SLC35F3: variants seen among roughly 807,000 people sequenced by gnomAD.
SLC35F3 encodes the protein solute carrier family 35 member F3, also known as putative thiamine transporter SLC35F3.
In SLC35F3, 25 loss-of-function variants were observed where a neutral mutation model predicts 49.9. That is an observed-to-expected ratio of 0.50 (90% CI 0.37 to 0.70). The LOEUF (loss-of-function observed/expected upper bound fraction) is 0.70. SLC35F3 is among the 30% of genes least tolerant of loss of function. The pLI, the probability that SLC35F3 is intolerant of heterozygous loss-of-function variation, is 0.00. For missense variants in SLC35F3, 525 were observed against 639.8 expected (o/e 0.82, Z 1.94); for synonymous variants, 275 against 265.4 (o/e 1.04, Z -0.35).
intron 2 of SLC35F3, among the ~76,000 whole-genome samples, chr1:234,077,002 T>G (rs1245789079): frequency 2.0e-5 from 3 of 146,384 alleles, no homozygotes; most frequent in Non-Finnish European, 3.0e-5. Context: ...TTTTTTGTTT[T>G]TTTTTTTTTT....
intron 2 of SLC35F3, among the ~76,000 whole-genome samples, chr1:233,937,045 G>T (rs1245767784): frequency 2.0e-5 from 3 of 152,132 alleles, no homozygotes; most frequent in East Asian, 1.9e-4. Flanking sequence ...TTGCCAGTCA[G>T]CATTTTACCA....
intron 2 of SLC35F3, among the ~76,000 whole-genome samples, chr1:234,104,821 G>A (rs1303863519): frequency 6.6e-6 from 1 of 152,196 alleles, no homozygotes; most frequent in Non-Finnish European, 1.5e-5. Context: ...AGCAGACTGT[G>A]TCATTTGAGA....
chr1:234,297,445 C>T (rs1393961508), intron 3 of SLC35F3, among the ~76,000 whole-genome samples: 2 of 152,304 alleles, frequency 1.3e-5, no homozygotes, highest in East Asian at 3.9e-4. Context: ...ACATGTAATA[C>T]TATTCAGCCT....
chr1:234,037,911 G>T (rs1192073087), intron 2 of SLC35F3, among the ~76,000 whole-genome samples: 9 of 152,122 alleles, frequency 5.9e-5, no homozygotes, highest in South Asian at 2.1e-4. Context: ...TCATGCAAAG[G>T]TTCCAAGAGT....
At chr1:233,933,784 C>T (rs1429663522) in intron 2 of SLC35F3, among the ~76,000 whole-genome samples, 4 of 152,090 alleles carry the variant, frequency 2.6e-5, no homozygotes, top group South Asian at 4.1e-4. Context: ...TAGGCGTAGG[C>T]GCAGGCTGCA....
chr1:234,159,160 G>A (rs1666192951), intron 2 of SLC35F3, among the ~76,000 whole-genome samples: 2 of 152,128 alleles, frequency 1.3e-5, no homozygotes, highest in Admixed American at 6.5e-5. Flanking sequence ...TGTGCAACAT[G>A]TTTAAGATGA....
At chr1:234,069,351 A>G (rs1195337819) in intron 2 of SLC35F3, among the ~76,000 whole-genome samples, 1 of 149,758 alleles carries the variant, frequency 6.7e-6, no homozygotes, top group African/African-American at 2.5e-5. Context: ...TCCACCTCCC[A>G]GGTTCAAGTG....
intron 3 of SLC35F3, among the ~76,000 whole-genome samples, chr1:234,273,221 G>A (rs185250997): frequency 9.8e-5 from 15 of 152,334 alleles, no homozygotes; most frequent in South Asian, 8.3e-4. Context: ...AAACCCAGAC[G>A]TCTGACTGCC....
At chr1:233,971,762 C>G (rs11577093) in intron 2 of SLC35F3, among the ~76,000 whole-genome samples, 30,771 of 150,868 alleles carry the variant, frequency 0.2, 3,376 homozygotes, top group East Asian at 0.37. Context: ...TGCTGACTCC[C>G]TTGTGGTCAA....
At chr1:234,253,617 T>TA (rs200703344) in intron 3 of SLC35F3, among the ~76,000 whole-genome samples, 100 of 151,856 alleles carry the variant, frequency 6.6e-4, no homozygotes, top group East Asian at 5.4e-3. Flanking sequence ...GTATATAATT[T>TA]AAAAAAAACA....
chr1:234,174,384 G>C (rs1266936650), intron 2 of SLC35F3, among the ~76,000 whole-genome samples: 1 of 152,200 alleles, frequency 6.6e-6, no homozygotes, highest in Non-Finnish European at 1.5e-5. Context: ...AAAACTGGTT[G>C]TTTTACTCAC....
chr1:234,081,971 G>A (rs1664884524), intron 2 of SLC35F3, among the ~76,000 whole-genome samples: 1 of 125,670 alleles, frequency 8.0e-6, no homozygotes, highest in Non-Finnish European at 1.6e-5. Context: ...TAGCCAGGAT[G>A]GTCTCGATCT....
chr1:234,181,570 G>A (rs1190926980), intron 2 of SLC35F3, among the ~76,000 whole-genome samples: 1 of 152,026 alleles, frequency 6.6e-6, no homozygotes, highest in Non-Finnish European at 1.5e-5. Flanking sequence ...TTAATCTATA[G>A]GTGCCTCCTC....
At chr1:233,965,898 C>T (rs78382676) in intron 2 of SLC35F3, among the ~76,000 whole-genome samples, 3,763 of 152,260 alleles carry the variant, frequency 0.025, 93 homozygotes, top group Middle Eastern at 0.058. Context: ...ATCTATTTAA[C>T]CTGGGATTGA....
chr1:233,985,074 A>T (rs1459673554), intron 2 of SLC35F3, among the ~76,000 whole-genome samples: 4 of 152,142 alleles, frequency 2.6e-5, no homozygotes, highest in African/African-American at 7.2e-5. Flanking sequence ...TGTCATATAA[A>T]AGGCTGGTAA....
At chr1:234,164,777 A>G (rs1248026662) in intron 2 of SLC35F3, among the ~76,000 whole-genome samples, 6 of 142,240 alleles carry the variant, frequency 4.2e-5, no homozygotes, top group African/African-American at 1.6e-4. Flanking sequence ...AGTTGTGTTT[A>G]GCCATTACTG....
intron 2 of SLC35F3, among the ~76,000 whole-genome samples, chr1:234,115,028 C>CAA (rs1384861315): frequency 6.6e-6 from 1 of 152,048 alleles, no homozygotes; most frequent in African/African-American, 2.4e-5. Flanking sequence ...TAAAACGGGT[C>CAA]AATATGATGA....
At chr1:234,089,016 C>G (rs1356932255) in intron 2 of SLC35F3, among the ~76,000 whole-genome samples, 3 of 152,174 alleles carry the variant, frequency 2.0e-5, no homozygotes, top group Non-Finnish European at 2.9e-5. Context: ...CCCACCTCGG[C>G]CCCCCAGAGT....
chr1:234,175,338 T>C (rs1301657010), intron 2 of SLC35F3, among the ~76,000 whole-genome samples: 1 of 152,224 alleles, frequency 6.6e-6, no homozygotes, highest in Non-Finnish European at 1.5e-5. Context: ...TTTTTTATCA[T>C]TTTTCTTAAA....
Sources: gnomAD v4.1 joint callset for allele counts (sites outside exome capture counted in the v4.1 genomes callset) on GRCh38, gnomAD v4.1.1 for gene constraint, MANE v1.5 for transcripts, NCBI Gene and HGNC (gene_info 2026-07-23, HGNC 2026-07-21) for gene names.